Variants in KIAA1549L observed in about 807,000 individuals in gnomAD.
KIAA1549L encodes UPF0606 protein KIAA1549L.
In KIAA1549L, 88 loss-of-function variants were observed where a neutral mutation model predicts 160.7. That is an observed-to-expected ratio of 0.55 (90% CI 0.46 to 0.65). The LOEUF is 0.65. Ranked by LOEUF, KIAA1549L falls within the 30% of genes least tolerant of loss-of-function variation. The pLI is 0.00. For synonymous variants in KIAA1549L, 950 were observed against 976.7 expected, an observed-to-expected ratio of 0.97 and a Z score of 0.51; for missense variants, 2,258 against 2,437.5, an observed-to-expected ratio of 0.93 and a Z score of 1.55.
At chr11:33,538,857 C>T (rs758774901) in intron 1 of KIAA1549L, among the ~76,000 whole-genome samples, 10 of 152,262 alleles carry the variant, frequency 6.6e-5, no homozygotes, top group Middle Eastern at 3.4e-3. Flanking sequence ...ATTTCCTTGC[C>T]GGCCTATATT....
intron 12 of KIAA1549L, among the ~76,000 whole-genome samples, chr11:33,594,036 G>T (rs1850136004): frequency 6.6e-6 from 1 of 152,128 alleles, no homozygotes; most frequent in Non-Finnish European, 1.5e-5. Context: ...AGGAAGAAGG[G>T]CATGAGAAGA....
At chr11:33,432,224 G>C (rs1206268558) in intron 1 of KIAA1549L, among the ~76,000 whole-genome samples, 1 of 152,194 alleles carries the variant, frequency 6.6e-6, no homozygotes, top group African/African-American at 2.4e-5. Flanking sequence ...TGCTCCTCAA[G>C]TGCCGCCAAA....
intron 1 of KIAA1549L, among the ~76,000 whole-genome samples, chr11:33,478,408 T>C (rs1225354049): frequency 2.6e-5 from 4 of 152,128 alleles, no homozygotes; most frequent in African/African-American, 9.7e-5. Flanking sequence ...CCTGAACCCG[T>C]TGGGGGAGGA....
intron 1 of KIAA1549L, among the ~76,000 whole-genome samples, chr11:33,423,349 A>G (rs545772057): frequency 1.3e-5 from 2 of 152,228 alleles, no homozygotes; most frequent in Admixed American, 6.5e-5. Context: ...GAAATCATTT[A>G]TATTTTATGA....
At chr11:33,426,831 C>T (rs1240521825) in intron 1 of KIAA1549L, among the ~76,000 whole-genome samples, 1 of 152,106 alleles carries the variant, frequency 6.6e-6, no homozygotes, top group African/African-American at 2.4e-5. Context: ...GGTGGGTGCT[C>T]CCCTGAGGGC....
At position 33,461,977 on chromosome 11, in the gene KIAA1549L, T is replaced by TGTA. The variant is rs1851951388; in HGVS notation, c.239-79822_239-79820dup. Reference sequence around the variant, plus strand: ...TGTGAATGCTAGGCCTCTCCCATGCTGTAGTCAAAATTGTGGAGATTCTTT... The same window carrying TGTA: ...TGTGAATGCTAGGCCTCTCCCATGCTGTAGTAGTCAAAATTGTGGAGATTCTTT... On this transcript the variant is annotated intron_variant, in intron 1 of 20. Transcript: ENST00000658780. Among the ~76,000 whole-genome samples, 10 of 152,332 alleles carry TGTA rather than the reference T, an allele frequency of 6.6e-5. No homozygotes were observed. The South Asian group carries it at 2.1e-3, about 32-fold the overall frequency.
At chr11:33,431,451 A>C (rs1398761601) in intron 1 of KIAA1549L, among the ~76,000 whole-genome samples, 1 of 152,148 alleles carries the variant, frequency 6.6e-6, no homozygotes. Context: ...CCATCAGATT[A>C]GTTAGATACA....
At chr11:33,441,628 G>A (rs2132947190) in intron 1 of KIAA1549L, among the ~76,000 whole-genome samples, 1 of 152,212 alleles carries the variant, frequency 6.6e-6, no homozygotes, top group Non-Finnish European at 1.5e-5. Flanking sequence ...TGTGTGAGAT[G>A]GTATCTCATT....
chr11:33,380,148 G>T (rs781400485), intron 1 of KIAA1549L, among the ~76,000 whole-genome samples: 103 of 152,188 alleles, frequency 6.8e-4, no homozygotes, highest in Non-Finnish European at 1.3e-3. Flanking sequence ...GCATGCTGGG[G>T]CTTCCCCAGG....
chr11:33,496,024 G>A (rs1345304220), intron 1 of KIAA1549L, among the ~76,000 whole-genome samples: 1 of 152,168 alleles, frequency 6.6e-6, no homozygotes, highest in African/African-American at 2.4e-5. Flanking sequence ...GTGCAGAGGT[G>A]AGATCTCTGC....
chr11:33,627,417 T>G (rs1276778219), intron 16 of KIAA1549L, among the ~76,000 whole-genome samples: 1 of 152,056 alleles, frequency 6.6e-6, no homozygotes, highest in Admixed American at 6.5e-5. Context: ...AGCTATTGAT[T>G]ATTGCCTCAA....
intron 17 of KIAA1549L, among the ~76,000 whole-genome samples, chr11:33,654,651 A>T (rs374936249): frequency 2.0e-5 from 3 of 152,172 alleles, no homozygotes; most frequent in Admixed American, 6.5e-5. Context: ...CTCTTCATCA[A>T]CTGTCAATAT....
At chr11:33,618,687 A>G in intron 16 of KIAA1549L, 25 bp downstream of exon 16, 1 of 1,535,984 alleles carries the variant, frequency 6.5e-7, no homozygotes. Context: ...GGCTGGGTAA[A>G]TACAAGCTTT....
chr11:33,486,591 A>G (rs185065497), intron 1 of KIAA1549L, among the ~76,000 whole-genome samples: 5 of 152,338 alleles, frequency 3.3e-5, no homozygotes, highest in Non-Finnish European at 5.9e-5. Flanking sequence ...TATTATACTC[A>G]GAACAATGTT....
chr11:33,664,578 A>G (rs1018969401), intron 20 of KIAA1549L, among the ~76,000 whole-genome samples: 24 of 152,240 alleles, frequency 1.6e-4, no homozygotes, highest in African/African-American at 5.3e-4. Context: ...TGATTAGGTC[A>G]TGAGGGCGAA....
chr11:33,481,120 C>T (rs1388721727), intron 1 of KIAA1549L, among the ~76,000 whole-genome samples: 1 of 152,066 alleles, frequency 6.6e-6, no homozygotes, highest in African/African-American at 2.4e-5. Flanking sequence ...TTTAGACTTC[C>T]TTTGGGCTAA....
At chr11:33,656,525 A>G (rs1410954831) in intron 18 of KIAA1549L, among the ~76,000 whole-genome samples, 1 of 152,208 alleles carries the variant, frequency 6.6e-6, no homozygotes, top group Non-Finnish European at 1.5e-5. Context: ...TTGACTTCCA[A>G]GAGGGAGAGA....
Position 33,559,847 on chromosome 11 carries a change from C to A in KIAA1549L, c.3954C>A (p.Leu1318=), listed in dbSNP as rs1854782206. Residue 1318 remains leucine (L), a synonymous_variant, in exon 7 of 21, where the codon CTC becomes CTA. Transcript: ENST00000658780. ...FLNGTVASSL[L]SQLSAELVGF... ...ACGGCACCGTCGCCAGCAGCCTCCT[C>A]AGCCAGCTCTCGGCTGAGCTGGTGG... 1 of 1,614,022 alleles carries A rather than the reference C, an allele frequency of 6.2e-7. No homozygotes were observed. Among genetic ancestry groups the A allele is most frequent in the Non-Finnish European group, 8.5e-7 (1 of 1,179,870 alleles).
At chr11:33,397,168 TA>T (rs947789512) in intron 1 of KIAA1549L, among the ~76,000 whole-genome samples, 3 of 144,872 alleles carry the variant, frequency 2.1e-5, no homozygotes, top group South Asian at 2.2e-4. Context: ...CCGTCTCTAC[TA>T]AAAAAAATAC....
Sources: allele counts gnomAD v4.1 joint callset (sites outside exome capture counted in the v4.1 genomes callset), GRCh38; gene constraint gnomAD v4.1.1; transcripts MANE v1.5; gene names NCBI Gene and HGNC (gene_info 2026-07-23, HGNC 2026-07-21).